The following KLF8 variants were observed in gnomAD, a reference collection of about 807,000 sequenced individuals.
KLF8 encodes Krueppel-like factor 8.
In KLF8, 10 loss-of-function variants were observed where a neutral mutation model predicts 18.2. The observed-to-expected ratio is 0.55, with a 90% CI of 0.34 to 0.93. The LOEUF (loss-of-function observed/expected upper bound fraction) is 0.93, where lower values mean the gene tolerates loss of function less well. KLF8 is among the 40% of genes least tolerant of loss of function. KLF8 has a pLI of 0.02. For synonymous variants in KLF8, 109 were observed against 97.3 expected (o/e 1.12, Z -0.71); for missense variants, 264 against 277.9 (o/e 0.95, Z 0.36).
At chrX:56,015,700 A>G in the KLF8 span, among the ~76,000 whole-genome samples, 2 of 111,659 alleles carry the variant, frequency 1.8e-5, no homozygotes, top group Non-Finnish European at 3.8e-5. Flanking sequence ...CAGTGGAGGA[A>G]GGGTAGAATA....
chrX:56,112,809 C>T, the KLF8 span, among the ~76,000 whole-genome samples: 14,177 of 111,527 alleles, frequency 0.13, 1,623 homozygotes, highest in African/African-American at 0.37. Context: ...TATTTTAGTT[C>T]TTTTTGTAAT....
the KLF8 span, among the ~76,000 whole-genome samples, chrX:56,179,745 T>G: frequency 8.9e-6 from 1 of 111,985 alleles, no homozygotes; most frequent in African/African-American, 3.2e-5. Context: ...TCTATTGAGA[T>G]AATCATGTGG....
the KLF8 span, among the ~76,000 whole-genome samples, chrX:56,192,097 A>G: frequency 1.7e-4 from 19 of 112,119 alleles, no homozygotes; most frequent in East Asian, 4.2e-3. Flanking sequence ...CACAAAAACT[A>G]TAAGAACTGA....
At chrX:56,129,083 TC>T in the KLF8 span, among the ~76,000 whole-genome samples, 1 of 111,823 alleles carries the variant, frequency 8.9e-6, no homozygotes, top group South Asian at 3.7e-4. Flanking sequence ...TGATTCACCT[TC>T]CTACACCATC....
At chrX:56,168,876 A>G in the KLF8 span, among the ~76,000 whole-genome samples, 1 of 111,640 alleles carries the variant, frequency 9.0e-6, no homozygotes, top group Non-Finnish European at 1.9e-5. Flanking sequence ...ATATGCCCAA[A>G]TTAGTAAGGT....
the KLF8 span, among the ~76,000 whole-genome samples, chrX:56,045,768 T>A: frequency 9.0e-6 from 1 of 111,716 alleles, no homozygotes; most frequent in Non-Finnish European, 1.9e-5. Flanking sequence ...GTCCTGAATT[T>A]TTGCTGAATG....
At chrX:55,947,074 T>A in the KLF8 span, among the ~76,000 whole-genome samples, 1 of 111,487 alleles carries the variant, frequency 9.0e-6, no homozygotes, top group Non-Finnish European at 1.9e-5. Flanking sequence ...TGGAAGTCAG[T>A]GTGGCGATTC....
At chrX:56,227,853 C>G (rs2066379156), upstream of KLF8, among the ~76,000 whole-genome samples, 1 of 100,691 alleles carries the variant, frequency 9.9e-6, no homozygotes, top group South Asian at 4.8e-4. Context: ...AAAACCCATA[C>G]ATACTCAACC....
chrX:56,105,534 C>CTTTTTTTTTTTTTTTTTTTTTTT, the KLF8 span, among the ~76,000 whole-genome samples: 1 of 103,091 alleles, frequency 9.7e-6, no homozygotes. Flanking sequence ...GCAACCCCTG[C>CTTTTTTTTTTTTTTTTTTTTTTT]TTTTTTTTTT....
chrX:56,004,605 G>A, the KLF8 span, among the ~76,000 whole-genome samples: 1 of 111,826 alleles, frequency 8.9e-6, no homozygotes, highest in African/African-American at 3.3e-5. Flanking sequence ...CACAGTGACT[G>A]TAGGGTGGAA....
At chrX:56,171,906 AC>A in the KLF8 span, among the ~76,000 whole-genome samples, 11 of 111,201 alleles carry the variant, frequency 9.9e-5, no homozygotes, top group Admixed American at 3.8e-4. Context: ...AATGGCTGGG[AC>A]AAATGGTATT....
the KLF8 span, among the ~76,000 whole-genome samples, chrX:56,125,017 G>A: frequency 1.2e-4 from 13 of 112,144 alleles, no homozygotes; most frequent in Non-Finnish European, 2.4e-4. Context: ...AAGAGCCCTC[G>A]TGTCTGAGTC....
At chrX:56,233,391 G>A (rs1178457090) in intron 1 of KLF8, 50 bp downstream of exon 1, 1 of 956,722 alleles carries the variant, frequency 1.0e-6, no homozygotes, top group Non-Finnish European at 1.5e-6. Context: ...CTTTCGTCTA[G>A]ATTCTATCCC....
the KLF8 span, among the ~76,000 whole-genome samples, chrX:56,028,667 T>C: frequency 9.0e-6 from 1 of 111,351 alleles, no homozygotes; most frequent in Non-Finnish European, 1.9e-5. Flanking sequence ...CTGAAGATGA[T>C]GCGGGAATTT....
At chrX:56,137,157 G>T in the KLF8 span, among the ~76,000 whole-genome samples, 1 of 109,325 alleles carries the variant, frequency 9.1e-6, no homozygotes, top group Non-Finnish European at 1.9e-5. Context: ...ACTGTTGGTG[G>T]GACTGTAAAC....
the KLF8 span, among the ~76,000 whole-genome samples, chrX:56,172,404 G>A: frequency 9.0e-6 from 1 of 111,046 alleles, no homozygotes; most frequent in African/African-American, 3.3e-5. Context: ...ATGGTTTCCA[G>A]CTTCATCCAT....
the KLF8 span, among the ~76,000 whole-genome samples, chrX:55,987,535 A>AT: frequency 9.0e-6 from 1 of 111,333 alleles, no homozygotes; most frequent in Non-Finnish European, 1.9e-5. Context: ...TGAACTCATC[A>AT]TTTTTTATGG....
chrX:56,198,079 G>A, the KLF8 span, among the ~76,000 whole-genome samples: 1 of 111,684 alleles, frequency 9.0e-6, no homozygotes, highest in African/African-American at 3.3e-5. Context: ...GGTAATGATG[G>A]GACTTATCTC....
chrX:56,290,796 G>C lies in KLF8; in HGVS notation c.*6302G>C, dbSNP rs1569198912. Among the ~76,000 whole-genome samples the C allele has an allele frequency of 9.0e-6, 1 of 111,528 alleles. No individual in the cohort carries two copies. Among genetic ancestry groups the C allele is most frequent in the Non-Finnish European group, 1.9e-5 (1 of 53,074 alleles). ...TGGGGGTGGGAGTGGGTTGGAAGAG[G>C]ATGGGATTTATACCAGTGGCAGGAT... On this transcript the variant is annotated 3_prime_UTR_variant, in exon 6 of 6. Transcript: ENST00000468660.
Sources: gnomAD v4.1 joint callset for allele counts (sites outside exome capture counted in the v4.1 genomes callset) on GRCh38, gnomAD v4.1.1 for gene constraint, MANE v1.5 for transcripts, NCBI Gene and HGNC (gene_info 2026-07-23, HGNC 2026-07-21) for gene names.